ADGRD1: variants seen among roughly 807,000 people sequenced by gnomAD.
The protein encoded by ADGRD1 is adhesion G protein-coupled receptor D1, also known as G-protein coupled receptor 133.
Under a neutral mutation model 113.4 loss-of-function variants are expected in ADGRD1, and 77 were observed. The ratio of observed to expected loss-of-function variants is 0.68; its 90% CI spans 0.57 to 0.82. The LOEUF (loss-of-function observed/expected upper bound fraction) is 0.82, where lower values mean the gene tolerates loss of function less well. Ranked by LOEUF, ADGRD1 falls within the 40% of genes least tolerant of loss-of-function variation. The pLI is 0.00. For synonymous variants in ADGRD1, 474 were observed against 475.0 expected (o/e 1.00, Z 0.03); for missense variants, 1,036 against 1,139.1 (o/e 0.91, Z 1.30).
chr12:131,102,182 C>T (rs569701077), intron 15 of ADGRD1, among the ~76,000 whole-genome samples: 4 of 152,312 alleles, frequency 2.6e-5, no homozygotes, highest in East Asian at 1.9e-4. Context: ...TAATGTCATG[C>T]GGAAACTGGA....
At chr12:131,105,256 G>A (rs982727406) in intron 16 of ADGRD1, among the ~76,000 whole-genome samples, 4 of 152,260 alleles carry the variant, frequency 2.6e-5, no homozygotes, top group Non-Finnish European at 1.5e-5. Context: ...ATGCTTGGAT[G>A]GGGGCTGGAC....
At chr12:131,013,708 T>C (rs1431831870) in intron 12 of ADGRD1, among the ~76,000 whole-genome samples, 1 of 152,064 alleles carries the variant, frequency 6.6e-6, no homozygotes, top group African/African-American at 2.4e-5. Context: ...GAATGAATAC[T>C]GGGTGGGCAA....
chr12:131,105,061 G>T (rs974267840), intron 16 of ADGRD1, 127 bp downstream of exon 16: 9 of 685,892 alleles, frequency 1.3e-5, no homozygotes, highest in African/African-American at 1.1e-4. Context: ...AGCTGGAAAG[G>T]TCTGGAAAGG....
chr12:130,985,104 T>G lies in ADGRD1; in HGVS notation c.491-1991T>G, dbSNP rs76753778. The stretch of plus-strand genomic sequence containing the variant: ...CATGTGCCACCATGTCTCACTAGTT[T>G]TTTTTTTTTTTTGGTACAGGTGAGG... On this transcript the variant is annotated intron_variant, in intron 5 of 24. Transcript: ENST00000261654. 8.1e-5 allele frequency among the ~76,000 whole-genome samples: 12 copies of G among 148,524 alleles called. 1 individual carries two copies. The highest frequency in any genetic ancestry group is 7.4e-4 in the Admixed American group (11 of 14,856).
rs775221745 is a variant in ADGRD1 at position 131,003,321 on chromosome 12, G to C, written c.1144+19G>C. ...ATGGCAGGTAGCTGTCGCTTGTAAG[G>C]GTGAGCCACATGGCAGGGGCGGGGG... On this transcript the variant is annotated intron_variant, in intron 10 of 24. Transcript: ENST00000261654. The surrounding 1 kb of genome is among the most constrained non-coding windows in gnomAD (Gnocchi z 4.8). 1.9e-6 allele frequency: 3 copies of C among 1,556,582 alleles called. No individual in the cohort carries two copies. In the Admixed American group the frequency reaches 5.0e-5, roughly 26 times the overall value.
At chr12:131,106,637 TCC>T (rs1950239592) in intron 17 of ADGRD1, among the ~76,000 whole-genome samples, 1 of 152,162 alleles carries the variant, frequency 6.6e-6, no homozygotes, top group African/African-American at 2.4e-5. Context: ...GAACGCTTTA[TCC>T]CATGCCTAGC....
intron 14 of ADGRD1, among the ~76,000 whole-genome samples, chr12:131,078,250 C>T (rs1289085867): frequency 6.6e-6 from 1 of 152,228 alleles, no homozygotes; most frequent in Non-Finnish European, 1.5e-5. Flanking sequence ...TATCTCTGTT[C>T]TGTGAACAGC....
rs144554405 is a variant in ADGRD1, at chr12:131,060,720, G to A, written c.1474-16081G>A. On this transcript the variant is annotated intron_variant, in intron 13 of 24. Transcript: ENST00000261654. The surrounding 1 kb of genome is among the most constrained non-coding windows in gnomAD (Gnocchi z 4.4). ...TTCTGTGTCTTCCATCTTCCCTCAC[G>A]TATCAGTAGCTACCCCTGGATTCTT... is the stretch of plus-strand genomic sequence containing the variant. Among the ~76,000 whole-genome samples, 232 of 152,256 alleles carry A rather than the reference G, an allele frequency of 1.5e-3. No individual in the cohort carries two copies. Among genetic ancestry groups the A allele is most frequent in the African/African-American group, 5.0e-3 (209 of 41,550 alleles).
chr12:131,020,117 CCTGAGCTCCGT>C (rs1879135723), intron 13 of ADGRD1, among the ~76,000 whole-genome samples: 1 of 147,562 alleles, frequency 6.8e-6, no homozygotes, highest in Non-Finnish European at 1.5e-5. Flanking sequence ...GGGGCAGGAC[CCTGAGCTCCGT>C]CCAGGGCAGG....
At chr12:131,024,867 A>T (rs1226245379) in intron 13 of ADGRD1, 1 of 152,280 alleles carries the variant, frequency 6.6e-6, no homozygotes, top group East Asian at 1.9e-4. Context: ...CTGTGTGAGA[A>T]GCTCGGGCAG....
intron 13 of ADGRD1, among the ~76,000 whole-genome samples, chr12:131,046,173 C>G (rs1201396281): frequency 5.4e-5 from 8 of 148,238 alleles, no homozygotes; most frequent in Admixed American, 6.7e-5. Context: ...AGTGTCCTTC[C>G]TGGTCAATGC....
Position 130,991,055 on chromosome 12 carries a change from A to G in ADGRD1, c.787A>G (p.Met263Val), listed in dbSNP as rs1297224006. The G allele has an allele frequency of 3.1e-6, 5 of 1,614,088 alleles. No individual in the cohort carries two copies. The Middle Eastern group carries it at 4.9e-4, about 160-fold the overall frequency. Residue 263 changes from methionine (M) to valine (V), a missense_variant, in exon 7 of 25, where the codon ATG (methionine) becomes GTG (valine). By Grantham distance (21) the Met-to-Val change is conservative. Transcript: ENST00000261654. ...LLSSTLPSLF[M>V]TSTASPVMPT... ...GTCTTCAACGCTGCCAAGCCTCTTC[A>G]TGACATCCACAGCAAGCCCCGTGGT...
Position 131,076,570 on chromosome 12 carries a change from C to T in ADGRD1, c.1474-231C>T, listed in dbSNP as rs369115301. On this transcript the variant is annotated intron_variant, in intron 13 of 24. Transcript: ENST00000261654. Reference sequence around the variant, plus strand: ...GGAGGAGTGTCCTAGAGGGAGGGCCCGGCACCTGCCAGGGCCCTTGGGTGG... The same window carrying T: ...GGAGGAGTGTCCTAGAGGGAGGGCCTGGCACCTGCCAGGGCCCTTGGGTGG... Among the ~76,000 whole-genome samples the T allele has an allele frequency of 1.5e-3, 228 of 150,750 alleles. 1 individual carries two copies. Among genetic ancestry groups the T allele is most frequent in the African/African-American group, 5.1e-3 (211 of 41,114 alleles).
intron 12 of ADGRD1, 71 bp from the exon 13 acceptor site, chr12:131,014,128 C>T (rs1319476025): frequency 6.8e-7 from 1 of 1,476,096 alleles, no homozygotes; most frequent in Non-Finnish European, 9.2e-7. Flanking sequence ...CGCTGGCTCC[C>T]AGCCTAGGTT....
At position 131,014,184 on chromosome 12, in the gene ADGRD1, C is replaced by G. The variant is rs1183753779; in HGVS notation, c.1332-15C>G. ...TGCGTTTCCCATTTTGTAATGATTT[C>G]CGTCTCTTCCCAAGGATCGCGGAGG... On this transcript the variant is annotated splice_polypyrimidine_tract_variant and intron_variant, in intron 12 of 24. Transcript: ENST00000261654. 3.1e-6 allele frequency: 5 copies of G among 1,612,074 alleles called. No homozygotes were observed. Among genetic ancestry groups the G allele is most frequent in the Middle Eastern group, 3.3e-4 (2 of 6,002 alleles).
chr12:130,958,797 A>G (rs947996562), intron 2 of ADGRD1, among the ~76,000 whole-genome samples: 1 of 152,252 alleles, frequency 6.6e-6, no homozygotes, highest in Admixed American at 6.5e-5. Context: ...TTCATTCTAA[A>G]GAGTGCTAAA....
intron 2 of ADGRD1, among the ~76,000 whole-genome samples, chr12:130,963,920 G>A (rs192773769): frequency 2.0e-5 from 3 of 152,314 alleles, no homozygotes; most frequent in East Asian, 1.9e-4. Flanking sequence ...GAAATGTGGT[G>A]GAAGTTGCCA....
intron 6 of ADGRD1, chr12:130,990,394 A>G (rs576398222): frequency 6.6e-6 from 1 of 152,390 alleles, no homozygotes; most frequent in Admixed American, 6.5e-5. Flanking sequence ...GTGGGATTAG[A>G]AATAGTTGGG....
intron 15 of ADGRD1, among the ~76,000 whole-genome samples, chr12:131,088,159 C>T (rs891741275): frequency 2.0e-5 from 3 of 152,178 alleles, no homozygotes. Context: ...CTGCACGGTG[C>T]TGTGGCCAAG....
Sources: allele counts gnomAD v4.1 joint callset (sites outside exome capture counted in the v4.1 genomes callset), GRCh38; gene constraint gnomAD v4.1.1; non-coding constraint Gnocchi (gnomAD v3.1); transcripts MANE v1.5; gene names NCBI Gene and HGNC (gene_info 2026-07-23, HGNC 2026-07-21).